RCAN1: variants seen among roughly 807,000 people sequenced by gnomAD.
The protein encoded by RCAN1 is regulator of calcineurin 1.
A neutral mutation model predicts 22.9 loss-of-function variants in RCAN1; 11 were observed. The ratio of observed to expected loss-of-function variants is 0.48; its 90% confidence interval spans 0.30 to 0.79. The LOEUF (loss-of-function observed/expected upper bound fraction) is 0.79, where lower values mean the gene tolerates loss of function less well. Ranked by LOEUF, RCAN1 falls within the 30% of genes least tolerant of loss-of-function variation. The pLI, the probability that RCAN1 is intolerant of heterozygous loss-of-function variation, is 0.06. For synonymous variants in RCAN1, 136 were observed against 142.3 expected (o/e 0.96, Z 0.32); for missense variants, 291 against 337.8 (o/e 0.86, Z 1.09).
chr21:34,563,870 G>C (rs1986905772), intron 1 of RCAN1, among the ~76,000 whole-genome samples: 1 of 148,642 alleles, frequency 6.7e-6, no homozygotes, highest in Admixed American at 6.7e-5. Context: ...GGAGGCTGAG[G>C]CTGAAGAATC....
intron 1 of RCAN1, among the ~76,000 whole-genome samples, chr21:34,591,151 C>T (rs926754506): frequency 1.3e-5 from 2 of 152,180 alleles, no homozygotes; most frequent in African/African-American, 4.8e-5. Flanking sequence ...CGTATTTATG[C>T]ACCTACTATA....
intron 1 of RCAN1, chr21:34,613,837 A>G (rs1337453395): frequency 4.7e-6 from 7 of 1,476,348 alleles, no homozygotes; most frequent in African/African-American, 2.8e-5. Context: ...GCCTTCAACT[A>G]TAGTTCATTG....
chr21:34,520,440 G>A (rs1445734496), intron 3 of RCAN1, among the ~76,000 whole-genome samples: 8 of 152,136 alleles, frequency 5.3e-5, no homozygotes, highest in Non-Finnish European at 7.3e-5. Context: ...TGACCTTCAC[G>A]CCACAATTAG....
In RCAN1 at chr21:34,516,645, AG is replaced by A. The variant is rs1478100716; in HGVS notation, c.*1438del. The A allele has an allele frequency of 1.3e-5, 2 of 152,268 alleles. No individual in the cohort carries two copies. Among genetic ancestry groups the A allele is most frequent in the Non-Finnish European group, 2.9e-5 (2 of 68,048 alleles). 9.4% of individuals were successfully genotyped at this position (152,268 alleles called of 1,614,324 possible). On this transcript the variant is annotated 3_prime_UTR_variant, in exon 4 of 4. Coordinates refer to ENST00000313806, the MANE Select transcript of RCAN1 (RefSeq NM_004414.7). ...CTCCCTCTTACCAAGTACCGTAAAC[AG>A]GGTTTGAGAACGTTCAATCAATTTC...
intron 1 of RCAN1, among the ~76,000 whole-genome samples, chr21:34,555,600 A>G (rs1016968562): frequency 6.6e-6 from 1 of 151,100 alleles, no homozygotes; most frequent in Admixed American, 6.6e-5. Flanking sequence ...AATAATAATA[A>G]TAATAAAAAA....
Position 34,615,099 on chromosome 21 carries a change from G to A in RCAN1, c.-88C>T. 3 of 989,352 alleles carry A rather than the reference G, an allele frequency of 3.0e-6. No individual in the cohort carries two copies. Among genetic ancestry groups the A allele is most frequent in the Non-Finnish European group, 3.6e-6 (3 of 831,288 alleles). 61.3% of individuals were successfully genotyped at this position (989,352 alleles called of 1,614,324 possible). A position where few individuals can be genotyped will look rare whatever the true frequency, so the allele number is the denominator to read the frequency against. ...CACGCGCTCCGGTCCGCGCCCGGCCGGCGGCTCCGCCGTTAACCCCCTCGG... is the reference window on the plus strand; with the variant it reads ...CACGCGCTCCGGTCCGCGCCCGGCCAGCGGCTCCGCCGTTAACCCCCTCGG... On this transcript the variant is annotated 5_prime_UTR_variant, in exon 1 of 4. Coordinates refer to ENST00000313806, the MANE Select transcript of RCAN1 (RefSeq NM_004414.7).
At chr21:34,530,184 A>C (rs952044688) in intron 1 of RCAN1, among the ~76,000 whole-genome samples, 125 of 152,240 alleles carry the variant, frequency 8.2e-4, no homozygotes, top group African/African-American at 2.8e-3. Context: ...AGTTAAAGTA[A>C]ATGAATGTTT....
intron 1 of RCAN1, among the ~76,000 whole-genome samples, chr21:34,555,093 T>C (rs964136231): frequency 2.0e-5 from 3 of 152,186 alleles, no homozygotes; most frequent in Admixed American, 6.5e-5. Context: ...GTGCTAACAG[T>C]GCACTTGCTG....
intron 1 of RCAN1, chr21:34,525,291 G>A: frequency 3.2e-6 from 5 of 1,544,322 alleles, no homozygotes; most frequent in Non-Finnish European, 4.4e-6. Context: ...AACAACCTAC[G>A]ACCTTGCTCT....
intron 1 of RCAN1, among the ~76,000 whole-genome samples, chr21:34,579,359 C>T (rs1227680255): frequency 4.6e-5 from 7 of 152,092 alleles, no homozygotes; most frequent in Admixed American, 1.3e-4. Context: ...GCTGAGATTG[C>T]GCCACTGCAC....
At chr21:34,613,021 G>C (rs186713830) in intron 1 of RCAN1, among the ~76,000 whole-genome samples, 42 of 152,270 alleles carry the variant, frequency 2.8e-4, no homozygotes, top group Admixed American at 2.6e-3. Context: ...TCAACCACTG[G>C]ATCCTAAGCT....
At chr21:34,521,258 T>G (rs1601124948) in intron 3 of RCAN1, 1 of 1,432,184 alleles carries the variant, frequency 7.0e-7, no homozygotes, top group Non-Finnish European at 9.1e-7. Context: ...CTGCGGGGGG[T>G]GGAGGGGCGT....
chr21:34,603,199 A>T (rs1988411144), intron 1 of RCAN1, among the ~76,000 whole-genome samples: 1 of 152,222 alleles, frequency 6.6e-6, no homozygotes, highest in South Asian at 2.1e-4. Context: ...GCTCCACTGC[A>T]GCACACACAT....
At chr21:34,549,905 C>T (rs11701612) in intron 1 of RCAN1, among the ~76,000 whole-genome samples, 85,837 of 151,732 alleles carry the variant, frequency 0.57, 24,850 homozygotes, top group East Asian at 0.9. Flanking sequence ...CTCCAGGAGG[C>T]ACTGAACACA....
intron 1 of RCAN1, among the ~76,000 whole-genome samples, chr21:34,547,239 G>A (rs549474125): frequency 5.9e-5 from 9 of 152,180 alleles, no homozygotes; most frequent in African/African-American, 2.2e-4. Context: ...AAGAGAATAG[G>A]GCATATCCAG....
chr21:34,523,144 G>C (rs1035944362), intron 2 of RCAN1: 1 of 160,532 alleles, frequency 6.2e-6, no homozygotes, highest in Non-Finnish European at 1.4e-5. Context: ...CATGAGCAGG[G>C]AACCACTCTG....
At chr21:34,539,300 T>A (rs1985815213) in intron 1 of RCAN1, among the ~76,000 whole-genome samples, 1 of 152,174 alleles carries the variant, frequency 6.6e-6, no homozygotes, top group African/African-American at 2.4e-5. Context: ...ATAATATACA[T>A]GCTAAATTCA....
intron 1 of RCAN1, chr21:34,524,768 C>A: frequency 3.7e-6 from 1 of 269,180 alleles, no homozygotes; most frequent in Non-Finnish European, 7.1e-6. Flanking sequence ...TCTTAGAATG[C>A]AAAGCTCGAG....
chr21:34,587,002 C>T (rs1568924318), intron 1 of RCAN1, among the ~76,000 whole-genome samples: 1 of 151,196 alleles, frequency 6.6e-6, no homozygotes, highest in African/African-American at 2.4e-5. Flanking sequence ...AACACTGAAA[C>T]AGAAAACAAA....
Sources: gnomAD v4.1 joint callset for allele counts (sites outside exome capture counted in the v4.1 genomes callset) on GRCh38, gnomAD v4.1.1 for gene constraint, MANE v1.5 for transcripts, NCBI Gene and HGNC (gene_info 2026-07-23, HGNC 2026-07-21) for gene names.